The following SCNN1B variants were observed in gnomAD, a reference collection of about 807,000 sequenced individuals.
The protein encoded by SCNN1B is sodium channel epithelial 1 subunit beta, also known as epithelial sodium channel subunit beta.
A neutral mutation model predicts 65.3 loss-of-function variants in SCNN1B; 46 were observed. The observed-to-expected ratio is 0.70, with a 90% CI of 0.56 to 0.90. SCNN1B has a LOEUF of 0.90. SCNN1B is among the 40% of genes least tolerant of loss of function. The pLI is 0.00. For synonymous variants in SCNN1B, 349 were observed against 330.6 expected (o/e 1.06, Z -0.60); for missense variants, 751 against 830.5 (o/e 0.90, Z 1.18).
At chr16:23,356,177 G>A (rs1962416917) in intron 4 of SCNN1B, among the ~76,000 whole-genome samples, 1 of 152,212 alleles carries the variant, frequency 6.6e-6, no homozygotes, top group African/African-American at 2.4e-5. Flanking sequence ...TCTAGCAGCT[G>A]GGGGTGGGTG....
chr16:23,294,597 T>C (rs1960969550), intron 2 of SCNN1B, among the ~76,000 whole-genome samples: 1 of 152,104 alleles, frequency 6.6e-6, no homozygotes, highest in Non-Finnish European at 1.5e-5. Context: ...CCCTTGCTGT[T>C]CCCTCTGCCT....
chr16:23,310,943 C>T (rs1961328366), intron 1 of SCNN1B, among the ~76,000 whole-genome samples: 1 of 152,222 alleles, frequency 6.6e-6, no homozygotes. Flanking sequence ...CAAATTGGTG[C>T]AAGTTCTTGG....
In SCNN1B at chr16:23,355,494, G is replaced by C. The variant is rs1962400971; in HGVS notation, c.776+5G>C. On this transcript the variant is annotated splice_donor_5th_base_variant and intron_variant, in intron 4 of 12. Coordinates refer to ENST00000343070, the MANE Select transcript of SCNN1B (RefSeq NM_000336.3). The stretch of plus-strand genomic sequence containing the variant: ...AGCTGAGCCCTGCAACTACCGGTGA[G>C]AGCCACCCCAAGCCCACCCGGCCAG... 1 of 1,613,892 alleles carries C rather than the reference G, an allele frequency of 6.2e-7. No individual in the cohort carries two copies. Among genetic ancestry groups the C allele is most frequent in the South Asian group, 1.1e-5 (1 of 91,064 alleles).
rs530871082 is a variant in SCNN1B, at chr16:23,287,061, A to G, written n.178+3257A>G. Among the ~76,000 whole-genome samples the G allele has an allele frequency of 8.6e-4, 129 of 150,392 alleles. 1 individual carries two copies. In the Middle Eastern group the frequency reaches 0.031, roughly 36 times the overall value. On this transcript the variant is annotated intron_variant and non_coding_transcript_variant, in intron 2 of 3. Transcript: ENST00000569789. ...CTCTTGTCACCCAGGCTGGAGTACA[A>G]TGGGGTGATCTCCACTCACTGCAAC... is the stretch of plus-strand genomic sequence containing the variant.
chr16:23,377,682 CCCTTCTCATTT>C (rs1962940255), intron 10 of SCNN1B, among the ~76,000 whole-genome samples: 1 of 135,200 alleles, frequency 7.4e-6, no homozygotes, highest in African/African-American at 3.2e-5. Context: ...CTTTCTCCCT[CCCTTCTCATTT>C]CCTTCCTTCT....
intron 4 of SCNN1B, among the ~76,000 whole-genome samples, chr16:23,360,251 G>T (rs2142027801): frequency 7.5e-6 from 1 of 133,702 alleles, no homozygotes; most frequent in Non-Finnish European, 1.7e-5. Flanking sequence ...TAAATAAAAA[G>T]GCTTTTGGCC....
intron 2 of SCNN1B, among the ~76,000 whole-genome samples, chr16:23,293,665 G>A (rs937265228): frequency 1.4e-4 from 21 of 152,284 alleles, no homozygotes; most frequent in African/African-American, 5.1e-4. Flanking sequence ...GGTGGCTCAT[G>A]CCTGTGATCC....
At chr16:23,306,953 C>T (rs993560342) in intron 1 of SCNN1B, among the ~76,000 whole-genome samples, 2 of 152,172 alleles carry the variant, frequency 1.3e-5, no homozygotes, top group Non-Finnish European at 2.9e-5. Context: ...GTAATCATCA[C>T]CCCTGTAGTC....
At chr16:23,328,426 C>T (rs190658529) in intron 1 of SCNN1B, among the ~76,000 whole-genome samples, 53 of 152,224 alleles carry the variant, frequency 3.5e-4, no homozygotes, top group Admixed American at 2.0e-3. Flanking sequence ...ATGATGGGCA[C>T]GAAGTCCATC....
At chr16:23,336,036 G>A (rs1961931714) in intron 1 of SCNN1B, among the ~76,000 whole-genome samples, 1 of 152,126 alleles carries the variant, frequency 6.6e-6, no homozygotes, top group African/African-American at 2.4e-5. Context: ...CCCCACTTCA[G>A]ATTTCCCCAA....
Position 23,348,888 on chromosome 16 carries a change from A to G in SCNN1B, c.289A>G (p.Ile97Val). Residue 97 changes from isoleucine (I) to valine (V), a missense_variant, in exon 2 of 13, where the codon ATC (isoleucine) becomes GTC (valine). Transcript: ENST00000343070. The surrounding 1 kb of genome is among the most constrained non-coding windows in gnomAD (Gnocchi z 4.5). ...GACCATGGACTTCCCTGCCGTCACC[A>G]TCTGCAATGCTAGCCCCTTCAAGTA... ...FKTMDFPAVT[I>V]CNASPFKYSK... 1 of 1,614,078 alleles carries G rather than the reference A, an allele frequency of 6.2e-7. No individual in the cohort carries two copies. The highest frequency in any genetic ancestry group is 8.5e-7 in the Non-Finnish European group (1 of 1,180,024).
intron 1 of SCNN1B, among the ~76,000 whole-genome samples, chr16:23,337,026 C>T (rs895385428): frequency 1.3e-5 from 2 of 151,962 alleles, no homozygotes; most frequent in Admixed American, 6.6e-5. Context: ...ATATGAAATA[C>T]TCATTTGAAA....
At chr16:23,365,121 C>T (rs1468849386) in intron 4 of SCNN1B, among the ~76,000 whole-genome samples, 1 of 149,642 alleles carries the variant, frequency 6.7e-6, no homozygotes, top group African/African-American at 2.5e-5. Context: ...AGCAAAACTC[C>T]ATCTCAAAAA....
intron 1 of SCNN1B, among the ~76,000 whole-genome samples, chr16:23,333,141 G>GGAAGGAAA (rs1217670669): frequency 9.9e-6 from 1 of 100,930 alleles, no homozygotes; most frequent in Non-Finnish European, 2.0e-5. Context: ...GAGGGAGGAA[G>GGAAGGAAA]GAAGGAAAGA....
chr16:23,294,411 G>C (rs894454044), intron 2 of SCNN1B, among the ~76,000 whole-genome samples: 5 of 151,504 alleles, frequency 3.3e-5, no homozygotes, highest in Non-Finnish European at 7.4e-5. Flanking sequence ...AACAAACAAA[G>C]AGACCAAAGT....
intron 1 of SCNN1B, among the ~76,000 whole-genome samples, chr16:23,307,425 T>A (rs1339449430): frequency 6.6e-6 from 1 of 151,602 alleles, no homozygotes; most frequent in Non-Finnish European, 1.5e-5. Flanking sequence ...GTTCAAGTGA[T>A]GCTCCTGCCT....
At chr16:23,291,475 AGTGTGTGTGT>A (rs71858801) in intron 2 of SCNN1B, among the ~76,000 whole-genome samples, 1 of 145,470 alleles carries the variant, frequency 6.9e-6, no homozygotes, top group Non-Finnish European at 1.5e-5. Flanking sequence ...TGTGTGTGTA[AGTGTGTGTGT>A]GTGTGTGTGT....
At position 23,380,716 on chromosome 16, in the gene SCNN1B, C is replaced by T. The variant is rs1391471777; in HGVS notation, c.1838C>T (p.Pro613Leu). 5 of 1,612,336 alleles carry T rather than the reference C, an allele frequency of 3.1e-6. No individual in the cohort carries two copies. The highest frequency in any genetic ancestry group is 1.3e-5 in the African/African-American group (1 of 74,918). ...PYPSEQALPI[P>L]GTPPPNYDSL... ...CCCAGTGAGCAGGCCCTGCCCATCC[C>T]AGGCACCCCGCCCCCCAACTATGAC... is the stretch of plus-strand genomic sequence containing the variant. The change falls in exon 13 of 13, where the codon CCA becomes CTA. Residue 613 changes from proline to leucine, a missense_variant. Coordinates refer to ENST00000343070, the MANE Select transcript of SCNN1B (RefSeq NM_000336.3). This position sits in a 1 kb window ranked among gnomAD's most constrained non-coding sequence, Gnocchi z 5.4.
intron 5 of SCNN1B, among the ~76,000 whole-genome samples, chr16:23,370,634 G>A (rs886328896): frequency 8.5e-5 from 13 of 152,180 alleles, no homozygotes; most frequent in Admixed American, 1.3e-4. Flanking sequence ...GGAAAGTTCC[G>A]GGGCTAGGAA....
Sources: allele counts gnomAD v4.1 joint callset (sites outside exome capture counted in the v4.1 genomes callset), GRCh38; gene constraint gnomAD v4.1.1; non-coding constraint Gnocchi (gnomAD v3.1); transcripts MANE v1.5; gene names NCBI Gene and HGNC (gene_info 2026-07-23, HGNC 2026-07-21).